The following SNTG2 variants were observed in gnomAD, a reference collection of about 807,000 sequenced individuals.
SNTG2 encodes the protein syntrophin gamma 2.
In SNTG2, 74 loss-of-function variants were observed where a neutral mutation model predicts 70.9. The observed-to-expected ratio is 1.04, with a 90% CI of 0.86 to 1.27. SNTG2 has a LOEUF of 1.27. Ranked by LOEUF, SNTG2 falls within the 50% of genes most tolerant of loss-of-function variation. The probability of loss-of-function intolerance (pLI) is 0.00; values close to 1 mark genes in which losing one functional copy is unlikely to be tolerated. For missense variants in SNTG2, 717 were observed against 690.7 expected, an observed-to-expected ratio of 1.04 and a Z score of -0.43; for synonymous variants, 278 against 273.8, an observed-to-expected ratio of 1.02 and a Z score of -0.15.
chr2:1,229,259 G>A (rs1676019416), intron 9 of SNTG2, among the ~76,000 whole-genome samples: 1 of 152,110 alleles, frequency 6.6e-6, no homozygotes, highest in Non-Finnish European at 1.5e-5. Context: ...GCTGATTGGT[G>A]CGTTTACAAT....
At chr2:1,197,167 G>A (rs1210055999) in intron 8 of SNTG2, among the ~76,000 whole-genome samples, 1 of 151,990 alleles carries the variant, frequency 6.6e-6, no homozygotes, top group African/African-American at 2.4e-5. Context: ...AAAAGATACA[G>A]ACTGGATTAA....
intron 1 of SNTG2, among the ~76,000 whole-genome samples, chr2:979,698 C>G (rs958267925): frequency 6.6e-6 from 1 of 152,052 alleles, no homozygotes; most frequent in African/African-American, 2.4e-5. Context: ...TTCTCAAGAC[C>G]GGGAACAAAT....
intron 1 of SNTG2, among the ~76,000 whole-genome samples, chr2:970,730 C>A (rs866699433): frequency 1.3e-5 from 2 of 150,136 alleles, no homozygotes; most frequent in African/African-American, 4.9e-5. Flanking sequence ...AATAAACATA[C>A]GTGTGCATGT....
intron 1 of SNTG2, among the ~76,000 whole-genome samples, chr2:965,987 C>G (rs1212887690): frequency 6.6e-6 from 1 of 152,208 alleles, no homozygotes; most frequent in African/African-American, 2.4e-5. Flanking sequence ...TGCTCCCACT[C>G]AGTCCCTGCT....
intron 1 of SNTG2, among the ~76,000 whole-genome samples, chr2:1,040,779 T>C (rs1447240369): frequency 2.6e-5 from 4 of 152,192 alleles, no homozygotes; most frequent in Admixed American, 6.5e-5. Context: ...AATGACAGTG[T>C]AAGTAGCAGA....
chr2:1,175,712 G>A (rs576779119), intron 8 of SNTG2, among the ~76,000 whole-genome samples: 2 of 152,314 alleles, frequency 1.3e-5, no homozygotes, highest in African/African-American at 2.4e-5. Context: ...GTTCAGCAGG[G>A]AGAAACTGTC....
rs1193597416 is a variant in SNTG2, at chr2:1,291,415, C to T, written c.1285-17079C>T. Among the ~76,000 whole-genome samples, 4 of 152,276 alleles carry T rather than the reference C, an allele frequency of 2.6e-5. No homozygotes were observed. The East Asian group carries it at 7.7e-4, about 29-fold the overall frequency. On this transcript the variant is annotated intron_variant, in intron 14 of 16. Transcript: ENST00000308624. ...GTTTTTGGTGTCATATCCAAGAAAT[C>T]ATTGCCAAGTCCAGTGTCATGCAGT...
At chr2:1,311,086 G>A (rs1558197607) in intron 15 of SNTG2, among the ~76,000 whole-genome samples, 1 of 152,178 alleles carries the variant, frequency 6.6e-6, no homozygotes, top group South Asian at 2.1e-4. Context: ...GCCAGCTCCA[G>A]CCCTCTACCC....
chr2:1,130,353 C>T (rs1239149151), intron 4 of SNTG2, among the ~76,000 whole-genome samples: 1 of 152,140 alleles, frequency 6.6e-6, no homozygotes, highest in Non-Finnish European at 1.5e-5. Context: ...TTGAATAAAA[C>T]CAACTAATGT....
At chr2:1,050,299 T>G (rs142725388) in intron 1 of SNTG2, among the ~76,000 whole-genome samples, 80 of 152,330 alleles carry the variant, frequency 5.3e-4, no homozygotes, top group African/African-American at 1.8e-3. Flanking sequence ...TTCATTTGTT[T>G]TCTTTTAAAC....
intron 12 of SNTG2, among the ~76,000 whole-genome samples, chr2:1,258,895 C>A (rs62106568): frequency 0.091 from 13,773 of 152,170 alleles, 693 homozygotes; most frequent in South Asian, 0.15. Context: ...TGAAACAGAA[C>A]TAAGTTTAGT....
intron 1 of SNTG2, among the ~76,000 whole-genome samples, chr2:977,109 G>C (rs11692222): frequency 6.6e-6 from 1 of 152,308 alleles, no homozygotes; most frequent in South Asian, 2.1e-4. Context: ...CCAGGAAGCC[G>C]CAGGTTCTTC....
intron 9 of SNTG2, among the ~76,000 whole-genome samples, chr2:1,224,098 G>C (rs1465609810): frequency 6.6e-6 from 1 of 152,166 alleles, no homozygotes; most frequent in Non-Finnish European, 1.5e-5. Context: ...TCTCCCTGCG[G>C]CCTCTTCTGT....
At chr2:977,810 A>T (rs1660960138) in intron 1 of SNTG2, among the ~76,000 whole-genome samples, 1 of 151,718 alleles carries the variant, frequency 6.6e-6, no homozygotes. Flanking sequence ...CGCCCTCCAC[A>T]ATCTCCGCTC....
chr2:996,683 T>G (rs1163697491), intron 1 of SNTG2, among the ~76,000 whole-genome samples: 1 of 128,226 alleles, frequency 7.8e-6, no homozygotes, highest in African/African-American at 3.0e-5. Flanking sequence ...GTTTTTTTTT[T>G]TTTTTTTTTT....
chr2:1,158,422 G>A (rs551850738), intron 6 of SNTG2: 1 of 152,366 alleles, frequency 6.6e-6, no homozygotes, highest in South Asian at 2.1e-4. Context: ...GGTGGGGGAG[G>A]AGATGCAGAG....
In SNTG2 at chr2:1,353,186, A is replaced by C. The variant is rs1055205566; in HGVS notation, c.1489-14157A>C. Among the ~76,000 whole-genome samples, 4 of 152,132 alleles carry C rather than the reference A, an allele frequency of 2.6e-5. No individual in the cohort carries two copies. Among genetic ancestry groups the C allele is most frequent in the African/African-American group, 9.7e-5 (4 of 41,446 alleles). On this transcript the variant is annotated intron_variant, in intron 16 of 16. Coordinates refer to ENST00000308624, the MANE Select transcript of SNTG2 (RefSeq NM_018968.4). The surrounding 1 kb of genome is among the most constrained non-coding windows in gnomAD (Gnocchi z 4.2). Reference sequence around the variant, plus strand: ...CCTCAGCAGTGAGCAAAGGCTGCACATCAGGCCCCCTCCATCCCCAGGACA... The same window carrying C: ...CCTCAGCAGTGAGCAAAGGCTGCACCTCAGGCCCCCTCCATCCCCAGGACA...
chr2:996,323 A>G (rs113037238), intron 1 of SNTG2, among the ~76,000 whole-genome samples: 1,616 of 152,296 alleles, frequency 0.011, 33 homozygotes, highest in African/African-American at 0.035. Context: ...GAAGTGAGCA[A>G]CTTCTTTCCT....
intron 16 of SNTG2, among the ~76,000 whole-genome samples, chr2:1,363,455 T>C (rs1212991224): frequency 3.3e-5 from 5 of 152,152 alleles, no homozygotes; most frequent in African/African-American, 1.2e-4. Context: ...CCTCTCTCTG[T>C]CATTGTATTA....
Sources: allele counts gnomAD v4.1 joint callset (sites outside exome capture counted in the v4.1 genomes callset), GRCh38; gene constraint gnomAD v4.1.1; non-coding constraint Gnocchi (gnomAD v3.1); transcripts MANE v1.5; gene names NCBI Gene and HGNC (gene_info 2026-07-23, HGNC 2026-07-21).